The following NLRC4 variants were observed in gnomAD, a reference collection of about 807,000 sequenced individuals.
NLRC4 encodes NLR family CARD domain containing 4, also known as NLR family CARD domain-containing protein 4.
Under a neutral mutation model 79.9 loss-of-function variants are expected in NLRC4, and 63 were observed. The ratio of observed to expected loss-of-function variants is 0.79; its 90% CI spans 0.64 to 0.97. The LOEUF (loss-of-function observed/expected upper bound fraction) is 0.97. NLRC4 is among the 50% of genes least tolerant of loss of function. The pLI, the probability that NLRC4 is intolerant of heterozygous loss-of-function variation, is 0.00. For missense variants in NLRC4, 1,074 were observed against 1,215.2 expected (o/e 0.88, Z 1.73); for synonymous variants, 461 against 456.5 (o/e 1.01, Z -0.12).
At position 32,251,497 on chromosome 2, in the gene NLRC4, C is replaced by A; in HGVS notation, c.367G>T (p.Asp123Tyr). 1.2e-6 allele frequency: 2 copies of A among 1,614,068 alleles called. No individual in the cohort carries two copies. The highest frequency in any genetic ancestry group is 1.7e-6 in the Non-Finnish European group (2 of 1,179,942). ...SFLNFYPLGE[D>Y]IDIIFNLKST... ...TTCAAGTTAAAAATAATGTCAATAT[C>A]TTCACCAAGGGGATAAAAGTTCAGA... The change falls in exon 4 of 9, where the codon GAT becomes TAT. Residue 123 changes from aspartate to tyrosine, a missense_variant. By Grantham distance (160) the Asp-to-Tyr change is radical. Transcript: ENST00000402280.
intron 8 of NLRC4, among the ~76,000 whole-genome samples, chr2:32,235,005 A>G (rs754814530): frequency 4.6e-5 from 7 of 152,232 alleles, no homozygotes; most frequent in Non-Finnish European, 8.8e-5. Flanking sequence ...ACAGCTATTT[A>G]AAGATATTTT....
At position 32,252,627 on chromosome 2, in the gene NLRC4, A is replaced by T. The variant is rs1408949765; in HGVS notation, c.54T>A (p.Thr18=). The T allele has an allele frequency of 1.2e-6, 2 of 1,613,850 alleles. No homozygotes were observed. The highest frequency in any genetic ancestry group is 4.5e-5 in the East Asian group (2 of 44,884). The stretch of plus-strand genomic sequence containing the variant: ...GGTCATCTGTGATTTGCTTTATAAC[A>T]GTCATTCCCATTCTTTGAATAAGGG... ...SRALIQRMGM[T]VIKQITDDLF... Residue 18 remains threonine, a synonymous_variant, in exon 3 of 9, where the codon ACT becomes ACA. Transcript: ENST00000402280.
intron 8 of NLRC4, among the ~76,000 whole-genome samples, chr2:32,226,371 A>G (rs1686397663): frequency 6.6e-6 from 1 of 152,180 alleles, no homozygotes; most frequent in South Asian, 2.1e-4. Context: ...TTTTATCACC[A>G]TCATAAGGTC....
chr2:32,263,513 C>T, intron 1 of NLRC4, among the ~76,000 whole-genome samples: 1 of 152,182 alleles, frequency 6.6e-6, no homozygotes, highest in Non-Finnish European at 1.5e-5. Flanking sequence ...TGGGCTTCCC[C>T]CAAATCCATA....
intron 3 of NLRC4, 33 bp from the exon 4 acceptor site, chr2:32,251,634 C>A: frequency 7.0e-7 from 1 of 1,438,826 alleles, no homozygotes; most frequent in East Asian, 2.3e-5. Flanking sequence ...AAAGAAGACC[C>A]AATTCTGTGT....
chr2:32,256,668 C>T, intron 2 of NLRC4, 107 bp downstream of exon 2: 2 of 723,934 alleles, frequency 2.8e-6, no homozygotes, highest in Admixed American at 2.1e-5. Flanking sequence ...TTGGTAATTC[C>T]ACATATGACT....
chr2:32,257,501 G>A (rs1687234469), intron 1 of NLRC4, among the ~76,000 whole-genome samples: 1 of 152,008 alleles, frequency 6.6e-6, no homozygotes, highest in Non-Finnish European at 1.5e-5. Context: ...CAGCTGTTCC[G>A]GAGGCTGAGG....
chr2:32,240,258 G>A (rs1029354148), intron 5 of NLRC4, among the ~76,000 whole-genome samples: 1 of 152,140 alleles, frequency 6.6e-6, no homozygotes, highest in African/African-American at 2.4e-5. Flanking sequence ...TGGAATTACA[G>A]GTGTGATCCA....
intron 5 of NLRC4, among the ~76,000 whole-genome samples, chr2:32,238,843 C>G (rs1268686385): frequency 6.6e-6 from 1 of 152,160 alleles, no homozygotes; most frequent in Non-Finnish European, 1.5e-5. Context: ...TACCTTATAT[C>G]AACAGTATAA....
At chr2:32,263,953 T>C (rs1338456965) in intron 1 of NLRC4, among the ~76,000 whole-genome samples, 2 of 152,138 alleles carry the variant, frequency 1.3e-5, no homozygotes, top group Admixed American at 1.3e-4. Context: ...GCTGCAAGGA[T>C]CTACTGAGAT....
At chr2:32,260,748 G>A (rs1380352663) in intron 1 of NLRC4, among the ~76,000 whole-genome samples, 3 of 152,128 alleles carry the variant, frequency 2.0e-5, no homozygotes, top group African/African-American at 7.2e-5. Context: ...AGACAACATA[G>A]TGCCGGCCAG....
At chr2:32,260,878 C>T (rs1437984546) in intron 1 of NLRC4, among the ~76,000 whole-genome samples, 1 of 152,148 alleles carries the variant, frequency 6.6e-6, no homozygotes, top group Admixed American at 6.6e-5. Context: ...CAGACACCAC[C>T]TTCTCAAGTT....
chr2:32,247,944 A>G (rs1183638749), intron 4 of NLRC4, among the ~76,000 whole-genome samples: 1 of 152,226 alleles, frequency 6.6e-6, no homozygotes. Flanking sequence ...ATACTCACTT[A>G]CAAGTGGGAG....
At chr2:32,246,820 T>C (rs1216477353) in intron 4 of NLRC4, among the ~76,000 whole-genome samples, 1 of 152,232 alleles carries the variant, frequency 6.6e-6, no homozygotes, top group Non-Finnish European at 1.5e-5. Context: ...TCTTGCTGTG[T>C]TGCCCAGGCA....
At chr2:32,244,896 G>A (rs1021822944) in intron 4 of NLRC4, among the ~76,000 whole-genome samples, 2 of 151,772 alleles carry the variant, frequency 1.3e-5, no homozygotes, top group African/African-American at 2.4e-5. Flanking sequence ...GAAGGAGGAG[G>A]AGGAGGAGAA....
At chr2:32,260,155 G>A (rs1193537432) in intron 1 of NLRC4, among the ~76,000 whole-genome samples, 1 of 143,240 alleles carries the variant, frequency 7.0e-6, no homozygotes, top group Non-Finnish European at 1.5e-5. Flanking sequence ...CTTGAACCCA[G>A]GAAGCGGAGG....
At chr2:32,261,328 T>TTTTTTTTTTTTTTTTTTTTTTTG (rs1553348967) in intron 1 of NLRC4, among the ~76,000 whole-genome samples, 1 of 116,490 alleles carries the variant, frequency 8.6e-6, no homozygotes, top group African/African-American at 3.3e-5. Context: ...TTTGTTTTTT[T>TTTTTTTTTTTTTTTTTTTTTTTG]TTGAGATGGA....
In NLRC4 at chr2:32,247,676, GTATA is replaced by G. The variant is rs995431834; in HGVS notation, c.2257+1927_2257+1930del. On this transcript the variant is annotated intron_variant, in intron 4 of 8. Transcript: ENST00000402280. ...CATATATGTATCTATGTATGTATGT[GTATA>G]TATATCTTTCCAATCAGACTACAGC... 7.6e-4 allele frequency among the ~76,000 whole-genome samples: 115 copies of G among 151,988 alleles called. 1 individual carries two copies. Among genetic ancestry groups the G allele is most frequent in the African/African-American group, 2.8e-3 (114 of 41,454 alleles).
chr2:32,237,039 G>C (rs944495288), intron 6 of NLRC4, among the ~76,000 whole-genome samples: 3 of 152,080 alleles, frequency 2.0e-5, no homozygotes, highest in African/African-American at 7.2e-5. Flanking sequence ...GAATGACAAA[G>C]ACACAAATAT....
Sources: gnomAD v4.1 joint callset for allele counts (sites outside exome capture counted in the v4.1 genomes callset) on GRCh38, gnomAD v4.1.1 for gene constraint, MANE v1.5 for transcripts, NCBI Gene and HGNC (gene_info 2026-07-23, HGNC 2026-07-21) for gene names.